Variants in CATSPERB observed in about 807,000 individuals in gnomAD.
The protein encoded by CATSPERB is catsper channel auxiliary subunit beta.
Under a neutral mutation model 128.3 loss-of-function variants are expected in CATSPERB, and 93 were observed. That is an observed-to-expected ratio of 0.72 (90% CI 0.61 to 0.86). CATSPERB has a LOEUF of 0.86. CATSPERB is among the 40% of genes least tolerant of loss of function. The pLI, the probability that CATSPERB is intolerant of heterozygous loss-of-function variation, is 0.00. For missense variants in CATSPERB, 1,153 were observed against 1,329.5 expected (o/e 0.87, Z 2.06); for synonymous variants, 381 against 448.8 (o/e 0.85, Z 1.91).
In CATSPERB at chr14:91,674,208, C is replaced by CTAGT; in HGVS notation, c.945_946insACTA (p.Val316ThrfsTer5). The CTAGT allele has an allele frequency of 6.5e-7, 1 of 1,540,430 alleles. No homozygotes were observed. The highest frequency in any genetic ancestry group is 8.9e-7 in the Non-Finnish European group (1 of 1,123,116). ...AGGGTTCTGTTTCTCTCAAAGGTAA[C>CTAGT]TGTAACATAATCAACTGTGAAATAA... On this transcript the variant is annotated frameshift_variant, in exon 12 of 27. Transcript: ENST00000256343. LOFTEE classifies it high-confidence loss of function.
intron 15 of CATSPERB, among the ~76,000 whole-genome samples, chr14:91,658,042 C>A (rs981060315): frequency 6.6e-6 from 1 of 151,948 alleles, no homozygotes; most frequent in African/African-American, 2.4e-5. Flanking sequence ...GGATATACCC[C>A]CCAAAAAAGA....
rs370524014 is a variant in CATSPERB at position 91,615,252 on chromosome 14, A to T, written c.2400+2345T>A. ...GCGGCAGCATTAGATTCTCATAGGAACTCGACCCCTATTGTGAACTGCACA... is the reference window on the plus strand; with the variant it reads ...GCGGCAGCATTAGATTCTCATAGGATCTCGACCCCTATTGTGAACTGCACA... On this transcript the variant is annotated intron_variant, in intron 20 of 26. Coordinates refer to ENST00000256343, the MANE Select transcript of CATSPERB (RefSeq NM_024764.4). Among the ~76,000 whole-genome samples the T allele has an allele frequency of 6.6e-5, 10 of 152,086 alleles. No individual in the cohort carries two copies. The East Asian group carries it at 1.7e-3, about 26-fold the overall frequency.
intron 26 of CATSPERB, among the ~76,000 whole-genome samples, chr14:91,582,959 G>A (rs1303753576): frequency 1.3e-5 from 2 of 152,238 alleles, no homozygotes; most frequent in East Asian, 1.9e-4. Context: ...GCTGAGCAAG[G>A]CCCAGGTGGA....
At chr14:91,690,507 T>C (rs1895447907) in intron 10 of CATSPERB, among the ~76,000 whole-genome samples, 1 of 152,186 alleles carries the variant, frequency 6.6e-6, no homozygotes, top group Non-Finnish European at 1.5e-5. Context: ...ACCCTCCCAA[T>C]GTCTTTGGGT....
chr14:91,588,562 G>A (rs996758592), intron 24 of CATSPERB, among the ~76,000 whole-genome samples: 2 of 152,116 alleles, frequency 1.3e-5, no homozygotes. Context: ...TGCCTTTCTT[G>A]TCATCCTTTC....
chr14:91,629,547 G>T (rs1014671485), intron 17 of CATSPERB, among the ~76,000 whole-genome samples: 4 of 152,164 alleles, frequency 2.6e-5, no homozygotes. Flanking sequence ...TGTCAATGTA[G>T]GTTCATGAGC....
chr14:91,614,667 G>A (rs1726539290), intron 20 of CATSPERB, among the ~76,000 whole-genome samples: 2 of 152,168 alleles, frequency 1.3e-5, no homozygotes, highest in African/African-American at 2.4e-5. Context: ...CAGGCGTGGT[G>A]GGCCTGTAGT....
chr14:91,640,377 A>C (rs1311374327), intron 15 of CATSPERB, among the ~76,000 whole-genome samples: 2 of 102,796 alleles, frequency 1.9e-5, no homozygotes, highest in African/African-American at 8.4e-5. Flanking sequence ...TATATCTCCC[A>C]ATGCTATCCC....
At chr14:91,612,247 T>G (rs1411811445) in intron 20 of CATSPERB, among the ~76,000 whole-genome samples, 33 of 152,068 alleles carry the variant, frequency 2.2e-4, no homozygotes, top group Admixed American at 2.2e-3. Context: ...AATTTACTCT[T>G]AGCAATTTTG....
intron 1 of CATSPERB, among the ~76,000 whole-genome samples, chr14:91,731,425 C>T (rs149915900): frequency 0.014 from 2,156 of 152,256 alleles, 30 homozygotes; most frequent in Non-Finnish European, 0.019. Context: ...TAGCCTAAGA[C>T]GAAGTCTGTC....
intron 15 of CATSPERB, among the ~76,000 whole-genome samples, chr14:91,652,783 A>C (rs1894729201): frequency 6.6e-6 from 1 of 151,870 alleles, no homozygotes; most frequent in African/African-American, 2.4e-5. Flanking sequence ...AATATTCACA[A>C]TTACTTTCAT....
intron 17 of CATSPERB, among the ~76,000 whole-genome samples, chr14:91,635,368 T>C (rs1389682957): frequency 6.7e-6 from 1 of 150,028 alleles, no homozygotes; most frequent in East Asian, 2.0e-4. Flanking sequence ...CTTTTTTTTT[T>C]GAGACAGAGT....
intron 20 of CATSPERB, among the ~76,000 whole-genome samples, 155 bp downstream of exon 20, chr14:91,617,442 C>T (rs533036045): frequency 1.3e-5 from 2 of 152,224 alleles, no homozygotes; most frequent in African/African-American, 2.4e-5. Flanking sequence ...TATTACAACA[C>T]TTTCTTCAAT....
chr14:91,718,569 G>C (rs1176353545), intron 5 of CATSPERB, among the ~76,000 whole-genome samples: 1 of 152,138 alleles, frequency 6.6e-6, no homozygotes. Context: ...TGGGAATTTG[G>C]AATTGGGCTG....
intron 5 of CATSPERB, chr14:91,709,507 G>A (rs1333680091): frequency 1.1e-4 from 8 of 75,220 alleles, no homozygotes; most frequent in Non-Finnish European, 1.4e-4. Context: ...GGTGAAGCCC[G>A]GTCTCTACTA....
chr14:91,723,426 G>A (rs1217968069), intron 3 of CATSPERB, among the ~76,000 whole-genome samples: 1 of 151,998 alleles, frequency 6.6e-6, no homozygotes, highest in East Asian at 1.9e-4. Context: ...AGTAAACATA[G>A]ACTCAAAGCA....
chr14:91,628,563 A>G (rs772387354), intron 17 of CATSPERB, among the ~76,000 whole-genome samples: 5 of 152,150 alleles, frequency 3.3e-5, no homozygotes, highest in Non-Finnish European at 4.4e-5. Context: ...TGCTGTTCTC[A>G]TAACAGTGAG....
chr14:91,649,101 T>G (rs958060328), intron 15 of CATSPERB, among the ~76,000 whole-genome samples: 1 of 152,200 alleles, frequency 6.6e-6, no homozygotes. Context: ...AAGAGACTGC[T>G]GTACCCTTAG....
At chr14:91,615,879 G>T (rs1255576674) in intron 20 of CATSPERB, among the ~76,000 whole-genome samples, 4 of 68,234 alleles carry the variant, frequency 5.9e-5, no homozygotes, top group Non-Finnish European at 6.2e-5. Context: ...CATACATACA[G>T]TTTTCCTTTT....
Sources: gnomAD v4.1 joint callset for allele counts (sites outside exome capture counted in the v4.1 genomes callset) on GRCh38, gnomAD v4.1.1 for gene constraint, MANE v1.5 for transcripts, NCBI Gene and HGNC (gene_info 2026-07-23, HGNC 2026-07-21) for gene names.